UNC5C: variants seen among roughly 807,000 people sequenced by gnomAD.
The protein encoded by UNC5C is unc-5 netrin receptor C.
Under a neutral mutation model 99.8 loss-of-function variants are expected in UNC5C, and 47 were observed. That is an observed-to-expected ratio of 0.47 (90% CI 0.37 to 0.60). The LOEUF (loss-of-function observed/expected upper bound fraction) is 0.60, where lower values mean the gene tolerates loss of function less well. Ranked by LOEUF, UNC5C falls within the 20% of genes least tolerant of loss-of-function variation. The pLI is 0.00. For missense variants in UNC5C, 1,062 were observed against 1,165.9 expected, an observed-to-expected ratio of 0.91 and a Z score of 1.30; for synonymous variants, 487 against 452.2, an observed-to-expected ratio of 1.08 and a Z score of -0.98.
At position 95,260,559 on chromosome 4, in the gene UNC5C, G is replaced by C. The variant is rs545950792; in HGVS notation, c.595-9892C>G. ...TGCTTTTCTCTCTCCCCACAGAAAG[G>C]ATTCTGGGGCAGATGGGCTGGTCTA... is the stretch of plus-strand genomic sequence containing the variant. On this transcript the variant is annotated intron_variant, in intron 4 of 15. Transcript: ENST00000453304. Among the ~76,000 whole-genome samples the C allele has an allele frequency of 2.6e-5, 4 of 152,292 alleles. No homozygotes were observed. The South Asian group carries it at 8.3e-4, about 32-fold the overall frequency.
intron 4 of UNC5C, among the ~76,000 whole-genome samples, chr4:95,258,226 C>T (rs1740078270): frequency 6.6e-6 from 1 of 152,072 alleles, no homozygotes; most frequent in Non-Finnish European, 1.5e-5. Flanking sequence ...TGTTGCAAAG[C>T]TATTTATTTG....
At chr4:95,465,036 C>T (rs1747731245) in intron 1 of UNC5C, among the ~76,000 whole-genome samples, 2 of 152,110 alleles carry the variant, frequency 1.3e-5, no homozygotes, top group Admixed American at 1.3e-4. Flanking sequence ...ACGTGTGTCC[C>T]CAGTGATGGT....
intron 10 of UNC5C, among the ~76,000 whole-genome samples, chr4:95,211,285 C>T (rs951366211): frequency 6.6e-6 from 1 of 152,160 alleles, no homozygotes; most frequent in Non-Finnish European, 1.5e-5. Context: ...CTCTAGGTAC[C>T]TGACAGGGAA....
At chr4:95,481,406 A>C (rs265066) in intron 1 of UNC5C, among the ~76,000 whole-genome samples, 8,265 of 152,056 alleles carry the variant, frequency 0.054, 333 homozygotes, top group Admixed American at 0.12. Context: ...GGTAGGAAGA[A>C]TCAATATCGT....
At chr4:95,460,903 G>A (rs1479695716) in intron 1 of UNC5C, among the ~76,000 whole-genome samples, 2 of 152,120 alleles carry the variant, frequency 1.3e-5, no homozygotes, top group Non-Finnish European at 2.9e-5. Context: ...GCCATCATGT[G>A]GTCCATCCTA....
chr4:95,381,186 G>A lies in UNC5C; in HGVS notation c.125-45555C>T, dbSNP rs1745060006. ...GAAAAAAATTTCTTATAGGTACAGA[G>A]TGAGATGTATGCTTGCTTCTGAGTA... On this transcript the variant is annotated intron_variant, in intron 1 of 15. Transcript: ENST00000453304. Among the ~76,000 whole-genome samples the A allele has an allele frequency of 2.0e-5, 3 of 152,316 alleles. No individual in the cohort carries two copies. In the South Asian group the frequency reaches 6.2e-4, roughly 32 times the overall value.
intron 4 of UNC5C, among the ~76,000 whole-genome samples, chr4:95,257,764 A>T (rs1003343996): frequency 6.6e-6 from 1 of 152,220 alleles, no homozygotes; most frequent in African/African-American, 2.4e-5. Flanking sequence ...ATAATTTTTA[A>T]AAATAACCCT....
chr4:95,484,536 C>A (rs1233697198), intron 1 of UNC5C, among the ~76,000 whole-genome samples: 1 of 151,780 alleles, frequency 6.6e-6, no homozygotes, highest in African/African-American at 2.4e-5. Context: ...ACTGAGGCTA[C>A]AAGATTCTCC....
intron 12 of UNC5C, among the ~76,000 whole-genome samples, chr4:95,192,012 C>T (rs1737132526): frequency 7.5e-6 from 1 of 133,026 alleles, no homozygotes; most frequent in South Asian, 2.8e-4. Context: ...CTCCTGCTCA[C>T]CTCTTCTGTT....
intron 1 of UNC5C, among the ~76,000 whole-genome samples, chr4:95,344,333 A>G (rs1743690160): frequency 6.6e-6 from 1 of 152,156 alleles, no homozygotes; most frequent in South Asian, 2.1e-4. Context: ...TTCCTAGAAT[A>G]GTATATCAAG....
chr4:95,292,115 AAAGT>A (rs1741481747), intron 3 of UNC5C, among the ~76,000 whole-genome samples: 1 of 151,436 alleles, frequency 6.6e-6, no homozygotes, highest in Non-Finnish European at 1.5e-5. Context: ...AGAAAATAAA[AAAGT>A]AACACATAAG....
At chr4:95,404,171 G>A (rs938130521) in intron 1 of UNC5C, among the ~76,000 whole-genome samples, 3 of 152,022 alleles carry the variant, frequency 2.0e-5, no homozygotes, top group Admixed American at 6.6e-5. Context: ...TTTTCACAAC[G>A]TTCTTGGGGA....
chr4:95,336,611 G>T (rs1743359709), intron 1 of UNC5C, among the ~76,000 whole-genome samples: 1 of 151,804 alleles, frequency 6.6e-6, no homozygotes, highest in Non-Finnish European at 1.5e-5. Context: ...TGGTATAGTG[G>T]ACATCTGTCC....
intron 2 of UNC5C, among the ~76,000 whole-genome samples, chr4:95,332,092 C>A (rs934278156): frequency 6.6e-6 from 1 of 152,218 alleles, no homozygotes; most frequent in Non-Finnish European, 1.5e-5. Context: ...AAGGGAACAA[C>A]ATTCCATGCT....
rs193097185 is a variant in UNC5C at position 95,437,070 on chromosome 4, A to T, written c.125-101439T>A. Among the ~76,000 whole-genome samples, 317 of 151,902 alleles carry T rather than the reference A, an allele frequency of 2.1e-3. 6 individuals are homozygous for T. Among genetic ancestry groups the T allele is most frequent in the Admixed American group, 0.016 (244 of 15,244 alleles). Reference sequence around the variant, plus strand: ...TCTCACTGAGGAAATAAAGGGAAAAAACCTGACAGAGCAAATCCAAACCAA... The same window carrying T: ...TCTCACTGAGGAAATAAAGGGAAAATACCTGACAGAGCAAATCCAAACCAA... On this transcript the variant is annotated intron_variant, in intron 1 of 15. Transcript: ENST00000453304.
intron 1 of UNC5C, among the ~76,000 whole-genome samples, chr4:95,419,441 C>T (rs1214983697): frequency 6.6e-6 from 1 of 152,056 alleles, no homozygotes; most frequent in Non-Finnish European, 1.5e-5. Context: ...TACCTGTGAA[C>T]ATAAAGAAAT....
intron 14 of UNC5C, among the ~76,000 whole-genome samples, chr4:95,178,834 T>A (rs1736478584): frequency 1.3e-5 from 2 of 152,216 alleles, no homozygotes; most frequent in South Asian, 4.1e-4. Context: ...CCCTGGCTAC[T>A]CACTCAGCCT....
At chr4:95,352,079 A>T (rs1370473058) in intron 1 of UNC5C, among the ~76,000 whole-genome samples, 1 of 152,084 alleles carries the variant, frequency 6.6e-6, no homozygotes, top group African/African-American at 2.4e-5. Context: ...CTGTGGCTTC[A>T]GTTAGCAGAT....
intron 1 of UNC5C, among the ~76,000 whole-genome samples, chr4:95,353,835 C>T (rs926255287): frequency 5.3e-5 from 8 of 151,962 alleles, no homozygotes; most frequent in African/African-American, 1.9e-4. Context: ...CATTTAAAAA[C>T]TCTAATTTAA....
Sources: allele counts gnomAD v4.1 joint callset (sites outside exome capture counted in the v4.1 genomes callset), GRCh38; gene constraint gnomAD v4.1.1; transcripts MANE v1.5; gene names NCBI Gene and HGNC (gene_info 2026-07-23, HGNC 2026-07-21).